EPS15L1: variants seen among roughly 807,000 people sequenced by gnomAD.
The protein encoded by EPS15L1 is epidermal growth factor receptor pathway substrate 15 like 1.
A neutral mutation model predicts 117.1 loss-of-function variants in EPS15L1; 43 were observed. That is an observed-to-expected ratio of 0.37 (90% CI 0.29 to 0.47). EPS15L1 has a LOEUF of 0.47. Among genes scored for constraint, EPS15L1 ranks in the 20% least tolerant of loss-of-function variants. EPS15L1 has a pLI of 0.99. For synonymous variants in EPS15L1, 459 were observed against 470.5 expected, an observed-to-expected ratio of 0.98 and a Z score of 0.32; for missense variants, 981 against 1,164.0, an observed-to-expected ratio of 0.84 and a Z score of 2.29.
Position 16,355,544 on chromosome 19 carries a change from C to T in EPS15L1, c.*161G>A. On this transcript the variant is annotated 3_prime_UTR_variant, in exon 24 of 24. Coordinates refer to ENST00000455140, the MANE Select transcript of EPS15L1 (RefSeq NM_001258374.3). ...TAAGGGCTTCCCCAGGAGATGTGACCTTTCCAGGTCTTGCAGCCGAGTCTG... is the reference window on the plus strand; with the variant it reads ...TAAGGGCTTCCCCAGGAGATGTGACTTTTCCAGGTCTTGCAGCCGAGTCTG... 2.2e-6 allele frequency: 2 copies of T among 914,328 alleles called. No homozygotes were observed. Among genetic ancestry groups the T allele is most frequent in the South Asian group, 1.8e-5 (1 of 55,120 alleles). The allele number at this position is 914,328 out of a possible 1,614,324, so 56.6% of individuals were successfully genotyped here. A position where few individuals can be genotyped will look rare whatever the true frequency, so the allele number is the denominator to read the frequency against.
In EPS15L1 at chr19:16,418,075, T is replaced by C. The variant is rs2092777281; in HGVS notation, c.980A>G (p.Lys327Arg). ...WALADTRQTG[K>R]LSKDQFALAM... ...TAACGCGAATTGGTCTTTGCTTAAC[T>C]TCCCCGTTTGCCTCGTATCGGCCAG... The change falls in exon 11 of 24, where the codon AAG (lysine) becomes AGG (arginine). Residue 327 changes from lysine to arginine, a missense_variant. Around this residue, in one of 5 missense-constraint regions of EPS15L1, gnomAD observed 819 missense variants for 949.0 expected, o/e 0.86. Coordinates refer to ENST00000455140, the MANE Select transcript of EPS15L1 (RefSeq NM_001258374.3). 6.2e-7 allele frequency: 1 copy of C among 1,614,018 alleles called. No homozygotes were observed. The highest frequency in any genetic ancestry group is 1.3e-5 in the African/African-American group (1 of 74,952).
intron 23 of EPS15L1, 143 bp downstream of exon 23, chr19:16,361,636 A>C: frequency 7.2e-7 from 1 of 1,392,756 alleles, no homozygotes; most frequent in Non-Finnish European, 9.3e-7. Flanking sequence ...GCAGTGTAGA[A>C]TAAATAACGC....
intron 21 of EPS15L1, among the ~76,000 whole-genome samples, chr19:16,384,481 C>G (rs2092398127): frequency 6.6e-6 from 1 of 152,188 alleles, no homozygotes; most frequent in Non-Finnish European, 1.5e-5. Flanking sequence ...GTTGAATTCT[C>G]TATGCTACCT....
intron 10 of EPS15L1, among the ~76,000 whole-genome samples, chr19:16,418,939 T>C (rs918520188): frequency 7.2e-5 from 11 of 152,186 alleles, no homozygotes; most frequent in African/African-American, 2.7e-4. Flanking sequence ...ACTCTGTCTA[T>C]GGCACTTTGT....
intron 16 of EPS15L1, 123 bp from the exon 17 acceptor site, chr19:16,395,590 G>A (rs190729692): frequency 9.2e-7 from 1 of 1,087,578 alleles, no homozygotes. Flanking sequence ...GAATGATTTA[G>A]CCAGGAGTTC....
rs187666950 is a variant in EPS15L1 at position 16,437,107 on chromosome 19, G to T, written c.310-108C>A. On this transcript the variant is annotated intron_variant, in intron 5 of 23. Coordinates refer to ENST00000455140, the MANE Select transcript of EPS15L1 (RefSeq NM_001258374.3). Reference sequence around the variant, plus strand: ...TTCAAAGTGCTTTCAAAAAAGGGAAGACTTCACAAAGTTAAACACAGAATC... The same window carrying T: ...TTCAAAGTGCTTTCAAAAAAGGGAATACTTCACAAAGTTAAACACAGAATC... 1,211 of 924,996 alleles carry T rather than the reference G, an allele frequency of 1.3e-3. 11 individuals are homozygous for T. Among genetic ancestry groups the T allele is most frequent in the Middle Eastern group, 7.9e-3 (36 of 4,534 alleles). 57.3% of individuals were successfully genotyped at this position (924,996 alleles called of 1,614,324 possible).
chr19:16,412,516 A>C (rs1168998694), intron 13 of EPS15L1, among the ~76,000 whole-genome samples: 1 of 151,952 alleles, frequency 6.6e-6, no homozygotes, highest in African/African-American at 2.4e-5. Flanking sequence ...AAAGAAAAAA[A>C]AATCTTCACT....
chr19:16,379,955 C>T (rs1245469002), intron 21 of EPS15L1, among the ~76,000 whole-genome samples: 3 of 152,134 alleles, frequency 2.0e-5, no homozygotes, highest in Non-Finnish European at 4.4e-5. Flanking sequence ...TGTCTAGTCA[C>T]ATAGACGCGG....
chr19:16,401,131 C>A (rs932152823), intron 16 of EPS15L1: 5 of 985,100 alleles, frequency 5.1e-6, no homozygotes, highest in African/African-American at 3.5e-5. Context: ...GGCCCGGGGG[C>A]GGCTATGGAA....
rs368709048 is a variant in EPS15L1 at position 16,435,957 on chromosome 19, G to A, written c.372+980C>T. 5.9e-5 allele frequency among the ~76,000 whole-genome samples: 9 copies of A among 152,232 alleles called. 1 individual carries two copies. In the East Asian group the frequency reaches 9.6e-4, roughly 16 times the overall value. On this transcript the variant is annotated intron_variant, in intron 6 of 23. Transcript: ENST00000455140. Reference sequence around the variant, plus strand: ...CACATTTTAAAGTATAAGATCTCTTGGCACTGTTTCCCATGACAAAGTAGC... The same window carrying A: ...CACATTTTAAAGTATAAGATCTCTTAGCACTGTTTCCCATGACAAAGTAGC...
chr19:16,366,101 G>A (rs2092129466), intron 22 of EPS15L1, among the ~76,000 whole-genome samples: 1 of 152,216 alleles, frequency 6.6e-6, no homozygotes, highest in Non-Finnish European at 1.5e-5. Context: ...GATTCTAGCA[G>A]AGGAAACAGT....
At position 16,404,638 on chromosome 19, in the gene EPS15L1, G is replaced by A; in HGVS notation, c.1378C>T (p.Arg460Ter). 1 of 1,614,138 alleles carries A rather than the reference G, an allele frequency of 6.2e-7. No individual in the cohort carries two copies. The highest frequency in any genetic ancestry group is 8.5e-7 in the Non-Finnish European group (1 of 1,180,014). The stretch of plus-strand genomic sequence containing the variant: ...TGCCGGACGTCGCTCAGCATGTCTC[G>A]GAGCTTGGCCTTCTGCTGGTCCATC... ...DEMDQQKAKL[R>*]DMLSDVRQKC... is the part of the protein sequence containing the mutation. Residue 460 changes from arginine to a stop codon, truncating the protein, a stop_gained, in exon 14 of 24, where the codon CGA (arginine) becomes TGA (stop). Transcript: ENST00000455140. LOFTEE classifies it high-confidence loss of function. The surrounding 1 kb of genome is among the most constrained non-coding windows in gnomAD (Gnocchi z 4.2).
In EPS15L1 at chr19:16,462,377, G is replaced by A. The variant is rs531436164; in HGVS notation, c.33+9536C>T. Among the ~76,000 whole-genome samples, 9 of 152,274 alleles carry A rather than the reference G, an allele frequency of 5.9e-5. No homozygotes were observed. In the South Asian group the frequency reaches 1.5e-3, roughly 25 times the overall value. On this transcript the variant is annotated intron_variant, in intron 1 of 23. Coordinates refer to ENST00000455140, the MANE Select transcript of EPS15L1 (RefSeq NM_001258374.3). ...CAGGTTACCAGAATCAGGGAAGTGG[G>A]GGGGAGGGCATGGTGGCTCACACCT...
At chr19:16,408,092 G>A (rs1364082650) in intron 13 of EPS15L1, among the ~76,000 whole-genome samples, 1 of 152,114 alleles carries the variant, frequency 6.6e-6, no homozygotes, top group Non-Finnish European at 1.5e-5. Flanking sequence ...AGGCCGGATG[G>A]GGTAGCTCTG....
chr19:16,449,213 A>C (rs1165135524), intron 1 of EPS15L1, among the ~76,000 whole-genome samples: 1 of 152,120 alleles, frequency 6.6e-6, no homozygotes, highest in Admixed American at 6.6e-5. Context: ...GTTCAAGACC[A>C]GCCTGGGCAA....
At chr19:16,380,480 A>G (rs2092348776) in intron 21 of EPS15L1, among the ~76,000 whole-genome samples, 1 of 151,518 alleles carries the variant, frequency 6.6e-6, no homozygotes, top group Admixed American at 6.6e-5. Flanking sequence ...TCACACAGAC[A>G]TGGCCCTCTA....
At chr19:16,441,677 A>T in intron 3 of EPS15L1, 1 of 416,080 alleles carries the variant, frequency 2.4e-6, no homozygotes, top group Non-Finnish European at 4.3e-6. Flanking sequence ...AGACCCCAAA[A>T]GTACTCGGGT....
At chr19:16,470,177 T>G (rs1202213484) in intron 1 of EPS15L1, among the ~76,000 whole-genome samples, 6 of 151,644 alleles carry the variant, frequency 4.0e-5, no homozygotes, top group Admixed American at 3.3e-4. Flanking sequence ...AGTTCAGGAG[T>G]TTGACACGAG....
At chr19:16,441,719 C>T (rs529570347) in intron 3 of EPS15L1, 173 bp downstream of exon 3, 18 of 491,264 alleles carry the variant, frequency 3.7e-5, no homozygotes, top group Non-Finnish European at 6.2e-5. Context: ...GTGGTGGGGG[C>T]TGCCACCTGG....
Sources: gnomAD v4.1 joint callset for allele counts (sites outside exome capture counted in the v4.1 genomes callset) on GRCh38, gnomAD v4.1.1 for gene constraint, gnomAD v4.1.1 regional missense constraint, Gnocchi (gnomAD v3.1) non-coding constraint, MANE v1.5 for transcripts, NCBI Gene and HGNC (gene_info 2026-07-23, HGNC 2026-07-21) for gene names.